TPTE2: variants seen among roughly 807,000 people sequenced by gnomAD.
TPTE2 encodes the protein phosphatidylinositol 3,4,5-trisphosphate 3-phosphatase TPTE2.
TPTE2 carries 53 observed loss-of-function variants against 78.6 expected under a neutral mutation model. That is an observed-to-expected ratio of 0.67 (90% confidence interval 0.54 to 0.85). TPTE2 has a LOEUF of 0.85. TPTE2 is among the 40% of genes least tolerant of loss of function. The pLI is 0.00. For synonymous variants in TPTE2, 175 were observed against 206.2 expected (o/e 0.85, Z 1.30); for missense variants, 461 against 623.0 (o/e 0.74, Z 2.77).
intron 1 of TPTE2, among the ~76,000 whole-genome samples, chr13:19,514,891 C>T (rs1278752549): frequency 6.6e-6 from 1 of 151,910 alleles, no homozygotes; most frequent in African/African-American, 2.4e-5. Flanking sequence ...TCAAGACTTC[C>T]TAGCACCGAA....
At chr13:19,561,551 G>A in the TPTE2 span, among the ~76,000 whole-genome samples, 1 of 152,158 alleles carries the variant, frequency 6.6e-6, no homozygotes. Flanking sequence ...AGTTCTTCCC[G>A]GCCGTTGCGA....
chr13:19,514,846 A>T (rs1406106832), intron 1 of TPTE2, among the ~76,000 whole-genome samples: 96 of 152,020 alleles, frequency 6.3e-4, no homozygotes, highest in African/African-American at 2.3e-3. Context: ...GTCTGGATTC[A>T]TTTTTTTAAA....
chr13:19,537,120 A>G (rs543067614), upstream of TPTE2, among the ~76,000 whole-genome samples: 14 of 151,782 alleles, frequency 9.2e-5, no homozygotes, highest in African/African-American at 3.1e-4. Context: ...TTTAATTTGC[A>G]TTTCCCTGAG....
chr13:19,483,794 T>TA (rs1194494940), intron 3 of TPTE2, among the ~76,000 whole-genome samples: 1 of 152,194 alleles, frequency 6.6e-6, no homozygotes, highest in East Asian at 1.9e-4. Context: ...TCTTTTTTTT[T>TA]ATACTTTAAG....
intron 1 of TPTE2, among the ~76,000 whole-genome samples, chr13:19,496,021 A>T (rs1475413573): frequency 6.6e-6 from 1 of 152,118 alleles, no homozygotes; most frequent in Non-Finnish European, 1.5e-5. Context: ...GGTGCCCGCC[A>T]CCACACCCAG....
At chr13:19,453,814 G>A (rs1014661886) in intron 10 of TPTE2, among the ~76,000 whole-genome samples, 3 of 152,076 alleles carry the variant, frequency 2.0e-5, no homozygotes, top group African/African-American at 7.2e-5. Context: ...AAGATTGTAG[G>A]AATGTAGGTA....
At chr13:19,521,535 TC>T (rs1361851203) in intron 1 of TPTE2, among the ~76,000 whole-genome samples, 2 of 152,058 alleles carry the variant, frequency 1.3e-5, no homozygotes, top group African/African-American at 4.8e-5. Context: ...GCAAATTTCT[TC>T]CTTTTAAATG....
the TPTE2 span, among the ~76,000 whole-genome samples, chr13:19,553,345 A>C: frequency 2.6e-5 from 4 of 152,196 alleles, no homozygotes; most frequent in Non-Finnish European, 4.4e-5. Context: ...TGCTGCTGGG[A>C]AAGTAAAATG....
At chr13:19,518,860 T>G (rs1869965447) in intron 1 of TPTE2, among the ~76,000 whole-genome samples, 1 of 152,020 alleles carries the variant, frequency 6.6e-6, no homozygotes, top group Non-Finnish European at 1.5e-5. Context: ...CCTCAAAAAC[T>G]AGAGAGATGG....
chr13:19,501,357 C>A (rs867147899), intron 1 of TPTE2, among the ~76,000 whole-genome samples: 3,464 of 123,886 alleles, frequency 0.028, 113 homozygotes, highest in African/African-American at 0.084. Flanking sequence ...AATCCTAAGC[C>A]AAAAGAACAA....
At chr13:19,536,199 G>A (rs1170272844) in intron 1 of TPTE2, among the ~76,000 whole-genome samples, 5 of 151,950 alleles carry the variant, frequency 3.3e-5, no homozygotes, top group Non-Finnish European at 7.4e-5. Flanking sequence ...TGATAATTCT[G>A]AGACTCTACT....
At chr13:19,483,616 G>A (rs1880486392) in intron 3 of TPTE2, among the ~76,000 whole-genome samples, 1 of 151,624 alleles carries the variant, frequency 6.6e-6, no homozygotes. Flanking sequence ...TGTAATTTTT[G>A]CCTCAAATCT....
At chr13:19,438,113 G>A (rs190246221) in exon 14 of TPTE2, 83 of 1,606,166 alleles carry the variant, frequency 5.2e-5, no homozygotes, top group East Asian at 4.9e-4. Context: ...AAAATATTTC[G>A]GAGGCAATAA....
chr13:19,465,422 A>C lies in TPTE2; in HGVS notation c.612+43T>G, dbSNP rs745595775. The C allele has an allele frequency of 5.6e-5, 90 of 1,608,256 alleles. 4 individuals are homozygous for C. The Middle Eastern group carries it at 8.9e-3, about 160-fold the overall frequency. On this transcript the variant is annotated intron_variant, in intron 8 of 19. Transcript: ENST00000400230. ...AACCCTTGCCAATGGGTCCCAAAACACAAAATATTTTTCTGAATCATAAGC... is the reference window on the plus strand; with the variant it reads ...AACCCTTGCCAATGGGTCCCAAAACCCAAAATATTTTTCTGAATCATAAGC...
chr13:19,443,401 T>C (rs1364567671), intron 13 of TPTE2, among the ~76,000 whole-genome samples: 1 of 144,104 alleles, frequency 6.9e-6, no homozygotes, highest in African/African-American at 2.5e-5. Context: ...TTCTTTCTTT[T>C]TTTTTTTTTT....
At chr13:19,477,957 A>G (rs1880078058) in intron 4 of TPTE2, among the ~76,000 whole-genome samples, 1 of 152,210 alleles carries the variant, frequency 6.6e-6, no homozygotes, top group Non-Finnish European at 1.5e-5. Flanking sequence ...TACCTTTCCT[A>G]AAAACAATTA....
At chr13:19,500,022 C>T (rs1881661577) in intron 1 of TPTE2, among the ~76,000 whole-genome samples, 1 of 148,906 alleles carries the variant, frequency 6.7e-6, no homozygotes, top group African/African-American at 2.5e-5. Flanking sequence ...CTACAAACAC[C>T]TCTACGCAAA....
rs562366842 is a variant in TPTE2 at position 19,502,846 on chromosome 13, C to CAA, written c.11+376_11+377dup. Among the ~76,000 whole-genome samples the CAA allele has an allele frequency of 4.8e-3, 632 of 131,718 alleles. 5 individuals carry two copies. Among genetic ancestry groups the CAA allele is most frequent in the South Asian group, 0.031 (123 of 3,976 alleles). 86.4% of individuals were successfully genotyped at this position (131,718 alleles called of 152,430 possible). A position where few individuals can be genotyped will look rare whatever the true frequency, so the allele number is the denominator to read the frequency against. ...AAAAATAAATCTCTCTTGTTGAAGC[C>CAA]AAAAAAAAAAAAAGAAGCTGCTTAC... On this transcript the variant is annotated intron_variant, in intron 1 of 19. Transcript: ENST00000400230.
chr13:19,450,012 C>T (rs1878072710), intron 13 of TPTE2, 64 bp downstream of exon 16: 1 of 1,576,990 alleles, frequency 6.3e-7, no homozygotes, highest in South Asian at 1.2e-5. Flanking sequence ...GTATCTTGTT[C>T]TTCTACTTTA....
Sources: gnomAD v4.1 joint callset for allele counts (sites outside exome capture counted in the v4.1 genomes callset) on GRCh38, gnomAD v4.1.1 for gene constraint, MANE v1.5 for transcripts, NCBI Gene and HGNC (gene_info 2026-07-23, HGNC 2026-07-21) for gene names.